HYDIN: variants seen among roughly 807,000 people sequenced by gnomAD.
The protein encoded by HYDIN is HYDIN axonemal central pair apparatus protein.
HYDIN carries 132 observed loss-of-function variants against 403.9 expected under a neutral mutation model. The observed-to-expected ratio is 0.33, with a 90% CI of 0.28 to 0.38. The LOEUF (loss-of-function observed/expected upper bound fraction) is 0.38. Among genes scored for constraint, HYDIN ranks in the 10% least tolerant of loss-of-function variants. HYDIN has a pLI of 1.00. For synonymous variants in HYDIN, 1,202 were observed against 1,891.7 expected (o/e 0.64, Z 9.46); for missense variants, 2,827 against 5,009.5 (o/e 0.56, Z 13.15).
chr16:70,817,371 T>C (rs199682274), intron 84 of HYDIN: 1 of 151,446 alleles, frequency 6.6e-6, no homozygotes, highest in Non-Finnish European at 1.5e-5. Context: ...GGAGGATACA[T>C]GTACCAGGAG....
intron 3 of HYDIN, among the ~76,000 whole-genome samples, chr16:71,180,454 A>G (rs1298483289): frequency 1.3e-5 from 2 of 152,102 alleles, no homozygotes; most frequent in African/African-American, 4.8e-5. Context: ...CAACTCAAGT[A>G]TTATAGAAAC....
chr16:71,217,151 A>G (rs889212788), intron 1 of HYDIN, among the ~76,000 whole-genome samples: 4 of 152,224 alleles, frequency 2.6e-5, no homozygotes, highest in African/African-American at 4.8e-5. Flanking sequence ...TCTCCTTTCC[A>G]GTATTCTGCT....
At chr16:71,045,039 C>A (rs2081408077) in intron 18 of HYDIN, among the ~76,000 whole-genome samples, 1 of 151,900 alleles carries the variant, frequency 6.6e-6, no homozygotes, top group East Asian at 1.9e-4. Context: ...AGAGTCCCAA[C>A]CAAAAGTCCA....
rs769913165 is a variant in HYDIN, at chr16:70,862,138, G to A, written c.11687C>T (p.Ser3896Leu). ...AATCTTCCCCACCGGCACGATTCCC[G>A]AAGAGGGCTCCACAGAGAAGGGCTG... is the stretch of plus-strand genomic sequence containing the variant. ...SPQPFSVEPS[S>L]GIVPVGKIQK... is the part of the protein sequence containing the mutation. Residue 3896 changes from serine (S) to leucine (L), a missense_variant, in exon 69 of 86, where the codon TCG becomes TTG. Physicochemically the swap from Ser to Leu is moderately radical, Grantham distance 145. Transcript: ENST00000393567. 2.4e-5 allele frequency: 38 copies of A among 1,611,340 alleles called. No individual in the cohort carries two copies. The African/African-American group carries it at 2.4e-4, about 10-fold the overall frequency.
chr16:71,180,019 A>G (rs2086836105), intron 3 of HYDIN, among the ~76,000 whole-genome samples: 1 of 152,242 alleles, frequency 6.6e-6, no homozygotes, highest in African/African-American at 2.4e-5. Flanking sequence ...AAAAAAATTG[A>G]CATGACAAAA....
At chr16:71,003,137 A>G (rs918825704) in intron 23 of HYDIN, among the ~76,000 whole-genome samples, 10 of 151,914 alleles carry the variant, frequency 6.6e-5, no homozygotes, top group Middle Eastern at 3.4e-3. Context: ...CCTTTATTCT[A>G]TTTGCCTATC....
At chr16:71,177,112 C>T (rs2086700583) in intron 4 of HYDIN, among the ~76,000 whole-genome samples, 1 of 152,264 alleles carries the variant, frequency 6.6e-6, no homozygotes, top group African/African-American at 2.4e-5. Flanking sequence ...TCCATGTGGC[C>T]AGCACTCTGG....
intron 53 of HYDIN, 77 bp from the exon 54 acceptor site, chr16:70,896,157 C>T (rs2795773): frequency 2.1e-5 from 33 of 1,569,736 alleles, no homozygotes; most frequent in Middle Eastern, 1.7e-4. Context: ...AATATCCTAA[C>T]GGGGATACGG....
In HYDIN at chr16:70,991,237, C is replaced by T. The variant is rs1470198809; in HGVS notation, c.3864+81G>A. 1.9e-6 allele frequency: 3 copies of T among 1,574,434 alleles called. No homozygotes were observed. In the African/African-American group the frequency reaches 4.1e-5, roughly 21 times the overall value. On this transcript the variant is annotated intron_variant, in intron 25 of 85. Transcript: ENST00000393567. ...CAATTAAACCCAAGCATTGTACTGG[C>T]CACTCTGCTCCTGATTCTGCCTTTG...
intron 73 of HYDIN, among the ~76,000 whole-genome samples, chr16:70,853,453 A>C (rs372448110): frequency 0.018 from 2,642 of 148,746 alleles, 42 homozygotes; most frequent in Middle Eastern, 0.083. Flanking sequence ...AACCAGGAAC[A>C]ATCCAGATGT....
intron 73 of HYDIN, among the ~76,000 whole-genome samples, chr16:70,854,572 G>A (rs1305948724): frequency 2.7e-5 from 4 of 149,316 alleles, no homozygotes; most frequent in Admixed American, 2.0e-4. Flanking sequence ...CCGCCAACAC[G>A]CCTGGCTAAT....
intron 59 of HYDIN, 116 bp from the exon 60 acceptor site, chr16:70,883,011 G>A: frequency 3.7e-6 from 3 of 807,180 alleles, no homozygotes; most frequent in East Asian, 2.4e-5. Flanking sequence ...ACACATAGGC[G>A]AAGTCATGCA....
chr16:70,861,550 A>C (rs118025499), intron 69 of HYDIN, among the ~76,000 whole-genome samples: 1 of 145,672 alleles, frequency 6.9e-6, no homozygotes, highest in African/African-American at 2.5e-5. Flanking sequence ...CTCCACCACC[A>C]CCACCACCAC....
At chr16:71,169,262 C>T (rs1230647224) in intron 5 of HYDIN, among the ~76,000 whole-genome samples, 2 of 151,924 alleles carry the variant, frequency 1.3e-5, no homozygotes, top group Non-Finnish European at 1.5e-5. Context: ...CCCATCTCTA[C>T]CAAAAATAAA....
chr16:71,214,352 A>C (rs1598047793), intron 1 of HYDIN, among the ~76,000 whole-genome samples: 3 of 152,190 alleles, frequency 2.0e-5, no homozygotes, highest in Non-Finnish European at 2.9e-5. Context: ...ACTTGAAAAA[A>C]TTTAGTCCTC....
chr16:71,036,289 C>G (rs556415953), intron 18 of HYDIN, among the ~76,000 whole-genome samples: 1 of 152,268 alleles, frequency 6.6e-6, no homozygotes, highest in East Asian at 1.9e-4. Flanking sequence ...GCAAGAAGAT[C>G]TCACTTTGTT....
Position 70,820,469 on chromosome 16 carries a change from G to A in HYDIN, c.14428-1897C>T, listed in dbSNP as rs552478118. On this transcript the variant is annotated intron_variant, in intron 83 of 85. Transcript: ENST00000393567. ...ACTAGGATTACAGGTGTGAGCCACC[G>A]TGCCGGGCCTAAAGTGACTGTTTAT... 1.2e-3 allele frequency among the ~76,000 whole-genome samples: 189 copies of A among 151,670 alleles called. 2 individuals are homozygous for A. Among genetic ancestry groups the A allele is most frequent in the Admixed American group, 3.3e-3 (50 of 15,250 alleles).
chr16:70,967,676 C>G (rs1157564145), intron 36 of HYDIN, among the ~76,000 whole-genome samples: 1 of 152,110 alleles, frequency 6.6e-6, no homozygotes, highest in Admixed American at 6.6e-5. Context: ...TTAGTAGACA[C>G]GGGGTTTCAC....
intron 7 of HYDIN, among the ~76,000 whole-genome samples, chr16:71,141,246 A>G (rs1179594575): frequency 1.5e-5 from 2 of 135,242 alleles, no homozygotes; most frequent in Non-Finnish European, 3.3e-5. Flanking sequence ...ACATATTTGT[A>G]AAAAAAAAAA....
Sources: allele counts gnomAD v4.1 joint callset (sites outside exome capture counted in the v4.1 genomes callset), GRCh38; gene constraint gnomAD v4.1.1; transcripts MANE v1.5; gene names NCBI Gene and HGNC (gene_info 2026-07-23, HGNC 2026-07-21).